The following CALN1 variants were observed in gnomAD, a reference collection of about 807,000 sequenced individuals.
The protein encoded by CALN1 is calcium-binding protein 8.
Under a neutral mutation model 30.6 loss-of-function variants are expected in CALN1, and 17 were observed. The ratio of observed to expected loss-of-function variants is 0.56; its 90% CI spans 0.38 to 0.83. The LOEUF is 0.83. Ranked by LOEUF, CALN1 falls within the 40% of genes least tolerant of loss-of-function variation. The pLI is 0.00. For synonymous variants in CALN1, 156 were observed against 131.4 expected (o/e 1.19, Z -1.28); for missense variants, 291 against 354.9 (o/e 0.82, Z 1.45).
At chr7:72,165,780 A>G (rs1225571774) in intron 3 of CALN1, among the ~76,000 whole-genome samples, 1 of 151,930 alleles carries the variant, frequency 6.6e-6, no homozygotes, top group East Asian at 1.9e-4. Flanking sequence ...TGTATACTAG[A>G]TAAAATGCAG....
chr7:71,785,261 G>T lies in CALN1; in HGVS notation c.*2514C>A. On this transcript the variant is annotated 3_prime_UTR_variant, in exon 7 of 7. Transcript: ENST00000395275. ...TGGGCTTGCTTCCAGGTCACTGGGA[G>T]CAAGAAGAAGGTCACCGTTAGGAAA... The T allele has an allele frequency of 5.9e-6, 1 of 169,364 alleles. No individual in the cohort carries two copies. The highest frequency in any genetic ancestry group is 1.3e-5 in the Non-Finnish European group (1 of 79,540). The allele number at this position is 169,364 out of a possible 1,614,324, so 10.5% of individuals were successfully genotyped here.
In CALN1 at chr7:72,307,334, G is replaced by A. The variant is rs1043068125; in HGVS notation, c.120-28524C>T. ...ACAGCATGAGAATGTTTGGAAATAA[G>A]ACTACAGCACAGAGGACAAAGATTG... is the stretch of plus-strand genomic sequence containing the variant. On this transcript the variant is annotated intron_variant, in intron 2 of 6. Transcript: ENST00000395275. Among the ~76,000 whole-genome samples the A allele has an allele frequency of 2.6e-5, 4 of 152,322 alleles. No individual in the cohort carries two copies. The East Asian group carries it at 5.8e-4, about 22-fold the overall frequency.
At chr7:72,207,247 G>A (rs1791958975) in intron 3 of CALN1, among the ~76,000 whole-genome samples, 1 of 152,126 alleles carries the variant, frequency 6.6e-6, no homozygotes, top group South Asian at 2.1e-4. Context: ...TTTGTCGGCG[G>A]GAGGGAAGAA....
intron 3 of CALN1, among the ~76,000 whole-genome samples, chr7:72,275,377 C>T (rs1031537585): frequency 6.6e-6 from 1 of 152,106 alleles, no homozygotes; most frequent in Admixed American, 6.6e-5. Flanking sequence ...AACACCAATC[C>T]ATAGTCATCT....
At chr7:72,489,652 G>A in the CALN1 span, among the ~76,000 whole-genome samples, 1 of 152,100 alleles carries the variant, frequency 6.6e-6, no homozygotes, top group South Asian at 2.1e-4. Context: ...GAAAGGAGTG[G>A]GTATGAAGGT....
At chr7:72,066,517 A>C (rs888930202) in intron 4 of CALN1, among the ~76,000 whole-genome samples, 1 of 151,944 alleles carries the variant, frequency 6.6e-6, no homozygotes, top group African/African-American at 2.4e-5. Flanking sequence ...GATAAAAGTG[A>C]ATGTTTCCAG....
At chr7:72,099,821 AT>A (rs1451655911) in intron 4 of CALN1, among the ~76,000 whole-genome samples, 1 of 152,196 alleles carries the variant, frequency 6.6e-6, no homozygotes, top group Non-Finnish European at 1.5e-5. Context: ...GAAATAGTTG[AT>A]GACTTGGGTT....
At chr7:71,845,063 T>C (rs971953077) in intron 5 of CALN1, among the ~76,000 whole-genome samples, 7 of 152,064 alleles carry the variant, frequency 4.6e-5, no homozygotes, top group African/African-American at 1.7e-4. Flanking sequence ...TTTCTATTTT[T>C]AGTACAGACA....
At chr7:72,304,700 T>C (rs940790127) in intron 2 of CALN1, among the ~76,000 whole-genome samples, 3 of 152,178 alleles carry the variant, frequency 2.0e-5, no homozygotes, top group African/African-American at 7.2e-5. Context: ...AAATCCTATG[T>C]AGGGCATAAT....
intron 5 of CALN1, among the ~76,000 whole-genome samples, chr7:71,947,280 A>C (rs1272481014): frequency 6.6e-6 from 1 of 152,080 alleles, no homozygotes; most frequent in Non-Finnish European, 1.5e-5. Context: ...CGAACTGCCG[A>C]GATTACAGGC....
At chr7:72,248,557 C>T (rs1341572369) in intron 3 of CALN1, among the ~76,000 whole-genome samples, 1 of 152,102 alleles carries the variant, frequency 6.6e-6, no homozygotes, top group Non-Finnish European at 1.5e-5. Flanking sequence ...CATCATATGG[C>T]TTTCTGACTC....
intron 5 of CALN1, among the ~76,000 whole-genome samples, chr7:71,826,324 G>A (rs1336079854): frequency 2.0e-5 from 3 of 152,128 alleles, no homozygotes; most frequent in Non-Finnish European, 4.4e-5. Context: ...CCCAAACGAA[G>A]ATTGAGCACC....
chr7:72,368,177 ATGTG>A (rs1443921876), intron 2 of CALN1, among the ~76,000 whole-genome samples: 1 of 151,420 alleles, frequency 6.6e-6, no homozygotes, highest in Non-Finnish European at 1.5e-5. Context: ...ATGTGTATAT[ATGTG>A]TATCTGTATA....
At chr7:72,024,821 C>T (rs570860908) in intron 4 of CALN1, among the ~76,000 whole-genome samples, 10 of 152,208 alleles carry the variant, frequency 6.6e-5, no homozygotes, top group East Asian at 1.9e-4. Context: ...TACACCTCTG[C>T]GTGCATGTGT....
intron 5 of CALN1, among the ~76,000 whole-genome samples, chr7:71,918,668 G>T (rs1274922748): frequency 2.6e-5 from 4 of 152,166 alleles, no homozygotes; most frequent in Non-Finnish European, 5.9e-5. Context: ...GGCACAAAAT[G>T]CACGTTCCCA....
intron 4 of CALN1, among the ~76,000 whole-genome samples, chr7:72,085,139 C>T (rs539383794): frequency 2.0e-4 from 30 of 152,234 alleles, no homozygotes; most frequent in African/African-American, 6.3e-4. Flanking sequence ...ATTATGCCCA[C>T]GCCATTCACC....
At chr7:72,114,242 TTGAAGGGAAGGGAA>T (rs1563070653) in intron 3 of CALN1, among the ~76,000 whole-genome samples, 1 of 51,374 alleles carries the variant, frequency 1.9e-5, no homozygotes, top group Non-Finnish European at 3.1e-5. Flanking sequence ...AAAATAAAAG[TTGAAGGGAAGGGAA>T]GGGAAGGGAA....
chr7:72,322,951 T>C (rs1296815724), intron 2 of CALN1, among the ~76,000 whole-genome samples: 1 of 150,580 alleles, frequency 6.6e-6, no homozygotes, highest in Non-Finnish European at 1.5e-5. Context: ...CAAAAAAATT[T>C]TTAAATAAAT....
chr7:72,168,802 A>ATTTTT (rs1235129816), intron 3 of CALN1, among the ~76,000 whole-genome samples: 1 of 114,450 alleles, frequency 8.7e-6, no homozygotes, highest in African/African-American at 3.7e-5. Context: ...TATTATTATT[A>ATTTTT]TTATTTTTTT....
Sources: gnomAD v4.1 joint callset for allele counts (sites outside exome capture counted in the v4.1 genomes callset) on GRCh38, gnomAD v4.1.1 for gene constraint, MANE v1.5 for transcripts, NCBI Gene and HGNC (gene_info 2026-07-23, HGNC 2026-07-21) for gene names.